Variants in CREB3L1 observed in about 807,000 individuals in gnomAD.
CREB3L1 encodes cyclic AMP-responsive element-binding protein 3-like protein 1.
In CREB3L1, 33 loss-of-function variants were observed where a neutral mutation model predicts 54.5. The observed-to-expected ratio is 0.61, with a 90% CI of 0.46 to 0.81. The LOEUF (loss-of-function observed/expected upper bound fraction) is 0.81. CREB3L1 is among the 30% of genes least tolerant of loss of function. CREB3L1 has a pLI of 0.00. For missense variants in CREB3L1, 656 were observed against 673.3 expected, an observed-to-expected ratio of 0.97 and a Z score of 0.29; for synonymous variants, 284 against 286.4, an observed-to-expected ratio of 0.99 and a Z score of 0.08.
At chr11:46,293,025 T>C (rs1487646161) in intron 1 of CREB3L1, among the ~76,000 whole-genome samples, 2 of 152,166 alleles carry the variant, frequency 1.3e-5, no homozygotes, top group South Asian at 2.1e-4. Context: ...AGAAAGCCTT[T>C]TGAGAGCAGG....
Position 46,305,583 on chromosome 11 carries a change from T to C in CREB3L1, c.332-2233T>C, listed in dbSNP as rs140176530. On this transcript the variant is annotated intron_variant, in intron 2 of 11. Transcript: ENST00000621158. ...CAGAGTGATCTTTTATATATATATATATGTATATATACACACACATATATA... is the reference window on the plus strand; with the variant it reads ...CAGAGTGATCTTTTATATATATATACATGTATATATACACACACATATATA... Among the ~76,000 whole-genome samples, 145 of 149,150 alleles carry C rather than the reference T, an allele frequency of 9.7e-4. 3 individuals are homozygous for C. In the East Asian group the frequency reaches 0.022, roughly 22 times the overall value.
chr11:46,298,179 T>A (rs1372601202), intron 1 of CREB3L1, among the ~76,000 whole-genome samples: 1 of 152,186 alleles, frequency 6.6e-6, no homozygotes, highest in Non-Finnish European at 1.5e-5. Flanking sequence ...CTGAACCTTA[T>A]GCTCATACAG....
Position 46,307,995 on chromosome 11 carries a change from C to T in CREB3L1, c.511C>T (p.His171Tyr). 6.5e-7 allele frequency: 1 copy of T among 1,540,184 alleles called. No homozygotes were observed. Among genetic ancestry groups the T allele is most frequent in the South Asian group, 1.2e-5 (1 of 82,834 alleles). ...CCCCTTGTCCAGGCTGCCCATCCCCCACCAGGTGAGCCTGGGAACTGTTTG... is the reference window on the plus strand; with the variant it reads ...CCCCTTGTCCAGGCTGCCCATCCCCTACCAGGTGAGCCTGGGAACTGTTTG... ...LSPLSRLPIP[H>Y]QAPGEMTQLP... Residue 171 changes from histidine (H) to tyrosine (Y), a missense_variant, in exon 3 of 12, where the codon CAC becomes TAC. His to Tyr is a moderately conservative substitution (Grantham distance 83). Coordinates refer to ENST00000621158, the MANE Select transcript of CREB3L1 (RefSeq NM_052854.4).
At chr11:46,308,192 A>C (rs932182016) in intron 3 of CREB3L1, among the ~76,000 whole-genome samples, 192 bp downstream of exon 3, 1 of 148,108 alleles carries the variant, frequency 6.8e-6, no homozygotes, top group Non-Finnish European at 1.5e-5. Flanking sequence ...ACCATACCGC[A>C]ACGGGCACAA....
intron 1 of CREB3L1, among the ~76,000 whole-genome samples, chr11:46,288,839 C>T (rs1207485450): frequency 6.6e-6 from 1 of 152,156 alleles, no homozygotes; most frequent in African/African-American, 2.4e-5. Flanking sequence ...TTCAAATCCC[C>T]GCTTGACCAC....
At chr11:46,290,933 G>A (rs954266262) in intron 1 of CREB3L1, among the ~76,000 whole-genome samples, 23 of 152,128 alleles carry the variant, frequency 1.5e-4, no homozygotes, top group African/African-American at 4.3e-4. Context: ...AGCACTCCCC[G>A]CTCCCCTCAG....
At chr11:46,284,253 G>A (rs191800313) in intron 1 of CREB3L1, among the ~76,000 whole-genome samples, 6 of 152,192 alleles carry the variant, frequency 3.9e-5, no homozygotes, top group African/African-American at 1.4e-4. Flanking sequence ...GCAGAGCATG[G>A]CAGGAGGCTG....
Position 46,277,998 on chromosome 11 carries a change from CCGGACCTG to C in CREB3L1, c.-112_-105del. 2.0e-6 allele frequency: 1 copy of C among 494,996 alleles called. No homozygotes were observed. The allele number at this position is 494,996 out of a possible 1,614,324, so 30.7% of individuals were successfully genotyped here. On this transcript the variant is annotated 5_prime_UTR_variant, in exon 1 of 12. Coordinates refer to ENST00000621158, the MANE Select transcript of CREB3L1 (RefSeq NM_052854.4). ...TCCGCCCCTCCCCCGGGGCTTCGCCCCGGACCTGCCCCCCGCCCGTTTGCCAGCGCTCA... is the reference window on the plus strand; with the variant it reads ...TCCGCCCCTCCCCCGGGGCTTCGCCCCCCCCCGCCCGTTTGCCAGCGCTCA...
intron 8 of CREB3L1, chr11:46,315,257 G>A: frequency 4.4e-6 from 1 of 226,922 alleles, no homozygotes; most frequent in Non-Finnish European, 9.0e-6. Flanking sequence ...CTCTGTCTCT[G>A]GCTGGGGTTC....
intron 8 of CREB3L1, among the ~76,000 whole-genome samples, chr11:46,314,457 G>C (rs1939536185): frequency 6.6e-6 from 1 of 151,906 alleles, no homozygotes; most frequent in Non-Finnish European, 1.5e-5. Context: ...GGTGATCATA[G>C]CTCACTGCAG....
At chr11:46,284,415 C>G (rs924077181) in intron 1 of CREB3L1, among the ~76,000 whole-genome samples, 1 of 152,150 alleles carries the variant, frequency 6.6e-6, no homozygotes, top group African/African-American at 2.4e-5. Flanking sequence ...CTTTGGGAGG[C>G]TGAGGCAGGT....
At chr11:46,313,830 C>G (rs546377007) in intron 8 of CREB3L1, among the ~76,000 whole-genome samples, 128 of 152,286 alleles carry the variant, frequency 8.4e-4, no homozygotes, top group African/African-American at 3.0e-3. Flanking sequence ...GTAGCAGCCA[C>G]GTCAAGTCAC....
Position 46,316,404 on chromosome 11 carries a change from A to G in CREB3L1, c.1131+19A>G, listed in dbSNP as rs956188411. ...CCTCATGGTAGGTGTGGCTCCCTCC[A>G]CCACAGACCCACAGGAGGAGAGTTC... On this transcript the variant is annotated intron_variant, in intron 9 of 11. Transcript: ENST00000621158. 5.5e-6 allele frequency: 8 copies of G among 1,456,492 alleles called. No individual in the cohort carries two copies. The highest frequency in any genetic ancestry group is 7.6e-6 in the Non-Finnish European group (8 of 1,059,484). 90.2% of individuals were successfully genotyped at this position (1,456,492 alleles called of 1,614,324 possible).
At chr11:46,300,193 C>CAGGCCCAGG (rs1939275299) in intron 2 of CREB3L1, 30 bp downstream of exon 2, 2 of 1,551,504 alleles carry the variant, frequency 1.3e-6, no homozygotes. Flanking sequence ...GGGGACAGCA[C>CAGGCCCAGG]AGGCCCAGGA....
At chr11:46,302,154 C>T (rs201560172) in intron 2 of CREB3L1, among the ~76,000 whole-genome samples, 25 of 144,780 alleles carry the variant, frequency 1.7e-4, no homozygotes, top group African/African-American at 5.9e-4. Context: ...GGCAACAGAG[C>T]GAGGCTCCGT....
intron 1 of CREB3L1, among the ~76,000 whole-genome samples, chr11:46,284,696 T>C (rs965468385): frequency 1.3e-4 from 20 of 151,088 alleles, no homozygotes; most frequent in Non-Finnish European, 2.2e-4. Flanking sequence ...ACTGGGGCCA[T>C]GTTCCTTTTA....
chr11:46,303,152 A>T (rs1461707098), intron 2 of CREB3L1, among the ~76,000 whole-genome samples: 1 of 152,124 alleles, frequency 6.6e-6, no homozygotes, highest in Non-Finnish European at 1.5e-5. Context: ...TTTGGTTGGG[A>T]CCCACAAGGG....
At chr11:46,313,384 T>C (rs144115407) in intron 8 of CREB3L1, among the ~76,000 whole-genome samples, 239 of 152,186 alleles carry the variant, frequency 1.6e-3, no homozygotes, top group African/African-American at 5.4e-3. Context: ...CAGCATCACC[T>C]AGGAGCTTGT....
chr11:46,282,757 G>A (rs940775854), intron 1 of CREB3L1, among the ~76,000 whole-genome samples: 4 of 152,134 alleles, frequency 2.6e-5, no homozygotes, highest in African/African-American at 7.2e-5. Context: ...TTTCCTCCAC[G>A]AGAAAGTAAG....
Sources: gnomAD v4.1 joint callset for allele counts (sites outside exome capture counted in the v4.1 genomes callset) on GRCh38, gnomAD v4.1.1 for gene constraint, MANE v1.5 for transcripts, NCBI Gene and HGNC (gene_info 2026-07-23, HGNC 2026-07-21) for gene names.